Variants in GRXCR1 observed in about 807,000 individuals in gnomAD.
The protein encoded by GRXCR1 is glutaredoxin and cysteine rich domain containing 1, also known as glutaredoxin domain-containing cysteine-rich protein 1.
Under a neutral mutation model 27.3 loss-of-function variants are expected in GRXCR1, and 27 were observed. That is an observed-to-expected ratio of 0.99 (90% CI 0.73 to 1.37). GRXCR1 has a LOEUF of 1.37. Ranked by LOEUF, GRXCR1 falls within the 40% of genes most tolerant of loss-of-function variation. The probability of loss-of-function intolerance (pLI) is 0.00; values close to 1 mark genes in which losing one functional copy is unlikely to be tolerated. For synonymous variants in GRXCR1, 122 were observed against 131.1 expected (o/e 0.93, Z 0.47); for missense variants, 379 against 354.4 (o/e 1.07, Z -0.56).
intron 1 of GRXCR1, among the ~76,000 whole-genome samples, chr4:42,935,722 T>A (rs1287232203): frequency 6.6e-6 from 1 of 150,820 alleles, no homozygotes; most frequent in African/African-American, 2.5e-5. Context: ...GGCAGAAGCA[T>A]CTGGCAAGAT....
At chr4:43,021,470 C>T (rs975145180) in intron 3 of GRXCR1, among the ~76,000 whole-genome samples, 4 of 152,152 alleles carry the variant, frequency 2.6e-5, no homozygotes, top group East Asian at 3.9e-4. Flanking sequence ...CTTGATTGAA[C>T]GATTCATGTT....
At position 43,020,549 on chromosome 4, in the gene GRXCR1, G is replaced by A. The variant is rs950815359; in HGVS notation, c.693+130G>A. 3.3e-5 allele frequency: 23 copies of A among 702,516 alleles called. No individual in the cohort carries two copies. The African/African-American group carries it at 4.1e-4, about 12-fold the overall frequency. 43.5% of individuals were successfully genotyped at this position (702,516 alleles called of 1,614,324 possible). ...AATATGCAATAGGATACATGTGGCA[G>A]TTTTAATTTGATATCTTCTGTTATT... is the stretch of plus-strand genomic sequence containing the variant. On this transcript the variant is annotated intron_variant, in intron 3 of 3. Transcript: ENST00000399770.
intron 2 of GRXCR1, among the ~76,000 whole-genome samples, chr4:42,976,304 A>G (rs1292409411): frequency 6.6e-6 from 1 of 152,084 alleles, no homozygotes; most frequent in African/African-American, 2.4e-5. Context: ...CTATATGTGT[A>G]GCCATTTATT....
At chr4:42,950,723 C>T (rs953470990) in intron 1 of GRXCR1, among the ~76,000 whole-genome samples, 37 of 152,190 alleles carry the variant, frequency 2.4e-4, no homozygotes, top group African/African-American at 7.5e-4. Context: ...CTCTTGTAGG[C>T]GAGACTGTAG....
At chr4:42,945,887 ATTAAC>A (rs1747731904) in intron 1 of GRXCR1, among the ~76,000 whole-genome samples, 2 of 152,200 alleles carry the variant, frequency 1.3e-5, no homozygotes, top group South Asian at 4.1e-4. Context: ...TTTTAAAATA[ATTAAC>A]TTAAACTACC....
In GRXCR1 at chr4:42,989,287, G is replaced by T. The variant is rs560794462; in HGVS notation, c.627+26153G>T. Among the ~76,000 whole-genome samples the T allele has an allele frequency of 1.1e-4, 16 of 152,158 alleles. No individual in the cohort carries two copies. The South Asian group carries it at 3.1e-3, about 30-fold the overall frequency. On this transcript the variant is annotated intron_variant, in intron 2 of 3. Coordinates refer to ENST00000399770, the MANE Select transcript of GRXCR1 (RefSeq NM_001080476.3). ...ACTTGCAGGTGGCTGCCTTCTTGGGGTGTCCTCACGTGGCCTTTTCTCTCT... is the reference window on the plus strand; with the variant it reads ...ACTTGCAGGTGGCTGCCTTCTTGGGTTGTCCTCACGTGGCCTTTTCTCTCT...
chr4:43,005,552 C>T (rs983273518), intron 2 of GRXCR1, among the ~76,000 whole-genome samples: 2 of 152,254 alleles, frequency 1.3e-5, no homozygotes, highest in South Asian at 4.2e-4. Context: ...CTTTATGTTG[C>T]TCAAGAACAA....
chr4:42,976,315 C>T (rs12507940), intron 2 of GRXCR1, among the ~76,000 whole-genome samples: 7,664 of 152,008 alleles, frequency 0.05, 259 homozygotes, highest in African/African-American at 0.088. Flanking sequence ...GCCATTTATT[C>T]ATTAATTTAG....
intron 2 of GRXCR1, among the ~76,000 whole-genome samples, chr4:42,989,672 C>T (rs1464400825): frequency 2.0e-5 from 3 of 152,166 alleles, no homozygotes; most frequent in Non-Finnish European, 4.4e-5. Flanking sequence ...TTTGATTATA[C>T]ACAGAAGGGT....
intron 1 of GRXCR1, among the ~76,000 whole-genome samples, chr4:42,926,611 C>T (rs1052003642): frequency 2.6e-5 from 4 of 151,786 alleles, no homozygotes; most frequent in South Asian, 4.2e-4. Context: ...TCAAAACTAA[C>T]GTTACACATA....
At chr4:42,931,691 A>G (rs998142360) in intron 1 of GRXCR1, among the ~76,000 whole-genome samples, 4 of 151,938 alleles carry the variant, frequency 2.6e-5, no homozygotes, top group African/African-American at 9.7e-5. Flanking sequence ...AGCCATTAAG[A>G]TATGTACTCC....
chr4:42,968,823 T>C (rs1441742734), intron 2 of GRXCR1, among the ~76,000 whole-genome samples: 2 of 152,076 alleles, frequency 1.3e-5, no homozygotes, highest in Non-Finnish European at 2.9e-5. Context: ...TTGCATTTTA[T>C]TGTTAACCTT....
rs1416403458 is a variant in GRXCR1, at chr4:42,987,245, TATAATATATATATATA to T, written c.627+24115_627+24130del. ...TATTATATATTATATATATATAATA[TATAATATATATATATA>T]ATATATATATATATATAGAGAGAGA... On this transcript the variant is annotated intron_variant, in intron 2 of 3. Transcript: ENST00000399770. Among the ~76,000 whole-genome samples the T allele has an allele frequency of 3.6e-3, 311 of 85,984 alleles. 1 individual carries two copies. The highest frequency in any genetic ancestry group is 0.013 in the African/African-American group (285 of 21,502). 56.4% of individuals were successfully genotyped at this position (85,984 alleles called of 152,430 possible).
At chr4:43,007,534 G>A (rs1712601158) in intron 2 of GRXCR1, among the ~76,000 whole-genome samples, 1 of 152,236 alleles carries the variant, frequency 6.6e-6, no homozygotes, top group Non-Finnish European at 1.5e-5. Flanking sequence ...CCTCTGCATA[G>A]AGAGGAGGTT....
chr4:42,895,975 A>G (rs1262488440), intron 1 of GRXCR1, among the ~76,000 whole-genome samples: 1 of 152,150 alleles, frequency 6.6e-6, no homozygotes, highest in East Asian at 1.9e-4. Context: ...AGCAGTCGGT[A>G]TCTTGGATAT....
At chr4:43,026,356 A>C (rs1713258793) in intron 3 of GRXCR1, among the ~76,000 whole-genome samples, 1 of 152,208 alleles carries the variant, frequency 6.6e-6, no homozygotes, top group South Asian at 2.1e-4. Context: ...GGCATGACTA[A>C]ATTATTTATT....
At chr4:42,960,439 C>T (rs930002369) in intron 1 of GRXCR1, among the ~76,000 whole-genome samples, 2 of 151,860 alleles carry the variant, frequency 1.3e-5, no homozygotes, top group African/African-American at 2.4e-5. Context: ...GAGGTATAGA[C>T]CCTTGGGCAC....
intron 1 of GRXCR1, among the ~76,000 whole-genome samples, chr4:42,919,515 A>T (rs992006327): frequency 1.3e-5 from 2 of 152,132 alleles, no homozygotes; most frequent in African/African-American, 4.8e-5. Context: ...TCCAGGATAA[A>T]TCTGGGGTGT....
chr4:42,912,697 G>C (rs1361826184), intron 1 of GRXCR1, among the ~76,000 whole-genome samples: 1 of 152,092 alleles, frequency 6.6e-6, no homozygotes, highest in African/African-American at 2.4e-5. Context: ...AAAGTATTGG[G>C]ACATTGGGAA....
Sources: gnomAD v4.1 joint callset for allele counts (sites outside exome capture counted in the v4.1 genomes callset) on GRCh38, gnomAD v4.1.1 for gene constraint, MANE v1.5 for transcripts, NCBI Gene and HGNC (gene_info 2026-07-23, HGNC 2026-07-21) for gene names.